The following NRXN3 variants were observed in gnomAD, a reference collection of about 807,000 sequenced individuals.
The protein encoded by NRXN3 is neurexin III.
Under a neutral mutation model 137.6 loss-of-function variants are expected in NRXN3, and 32 were observed. That is an observed-to-expected ratio of 0.23 (90% CI 0.18 to 0.31). The LOEUF (loss-of-function observed/expected upper bound fraction) is 0.31, where lower values mean the gene tolerates loss of function less well. NRXN3 is among the 10% of genes least tolerant of loss of function. The pLI is 1.00. For missense variants in NRXN3, 1,574 were observed against 2,062.5 expected (o/e 0.76, Z 4.59); for synonymous variants, 798 against 784.5 (o/e 1.02, Z -0.29).
rs1447906415 is a variant in NRXN3, at chr14:79,788,962, G to GAACTT, written c.4015-16147_4015-16143dup. On this transcript the variant is annotated intron_variant, in intron 19 of 20. Coordinates refer to ENST00000335750, the MANE Select transcript of NRXN3 (RefSeq NM_001330195.2). ...AGTATAAGCCAAAACATAAAGTTAT[G>GAACTT]AACTTAATACCCTTGTTCAGAGAAT... is the stretch of plus-strand genomic sequence containing the variant. 4.6e-5 allele frequency among the ~76,000 whole-genome samples: 7 copies of GAACTT among 152,098 alleles called. No individual in the cohort carries two copies. In the East Asian group the frequency reaches 9.7e-4, roughly 21 times the overall value.
chr14:79,708,795 C>T (rs2098791512), intron 19 of NRXN3, among the ~76,000 whole-genome samples: 1 of 152,078 alleles, frequency 6.6e-6, no homozygotes, highest in South Asian at 2.1e-4. Context: ...GTAAGGTTCT[C>T]CTTGATTTCC....
intron 4 of NRXN3, among the ~76,000 whole-genome samples, chr14:78,360,017 A>G (rs373754119): frequency 3.3e-4 from 50 of 152,256 alleles, no homozygotes; most frequent in African/African-American, 1.0e-3. Context: ...CTTCACCAAT[A>G]AAGTTTTAGG....
At chr14:79,759,013 A>G (rs752056912) in intron 19 of NRXN3, among the ~76,000 whole-genome samples, 6 of 152,222 alleles carry the variant, frequency 3.9e-5, no homozygotes, top group Non-Finnish European at 8.8e-5. Context: ...TTTCAGTATT[A>G]CAGAAATCAG....
chr14:78,276,586 C>A (rs1202223803), intron 2 of NRXN3, among the ~76,000 whole-genome samples: 1 of 152,220 alleles, frequency 6.6e-6, no homozygotes, highest in East Asian at 1.9e-4. Flanking sequence ...ATATCATTCT[C>A]ATTTTATAGC....
At chr14:79,615,985 GC>G (rs1227276582) in intron 16 of NRXN3, among the ~76,000 whole-genome samples, 5 of 152,234 alleles carry the variant, frequency 3.3e-5, no homozygotes, top group African/African-American at 1.2e-4. Flanking sequence ...AAGTAAGAGA[GC>G]AAGAATTCAT....
chr14:78,189,573 A>G (rs1464688861), intron 1 of NRXN3, among the ~76,000 whole-genome samples: 1 of 149,464 alleles, frequency 6.7e-6, no homozygotes, highest in Non-Finnish European at 1.5e-5. Context: ...TGTCCCGGCA[A>G]TTTTCCGGGC....
At chr14:79,544,679 A>G (rs1438918110) in intron 16 of NRXN3, among the ~76,000 whole-genome samples, 1 of 152,230 alleles carries the variant, frequency 6.6e-6, no homozygotes, top group Admixed American at 6.5e-5. Flanking sequence ...TGAAATCAAT[A>G]GTACTAAGGA....
rs58254245 is a variant in NRXN3, at chr14:79,593,630, C to CA, written c.3445-70126dup. On this transcript the variant is annotated intron_variant, in intron 16 of 20. Coordinates refer to ENST00000335750, the MANE Select transcript of NRXN3 (RefSeq NM_001330195.2). ...TGCACTACGGAGCGAGACTCCGTCT[C>CA]AAAAAAAAAAAAAAAAAAAAAATTA... Among the ~76,000 whole-genome samples the CA allele has an allele frequency of 6.5e-3, 485 of 74,146 alleles. 6 individuals are homozygous for CA. The highest frequency in any genetic ancestry group is 0.016 in the Middle Eastern group (2 of 128). 48.6% of individuals were successfully genotyped at this position (74,146 alleles called of 152,430 possible). A position where few individuals can be genotyped will look rare whatever the true frequency, so the allele number is the denominator to read the frequency against.
chr14:78,329,252 G>A (rs1321482730), intron 4 of NRXN3, among the ~76,000 whole-genome samples: 1 of 152,120 alleles, frequency 6.6e-6, no homozygotes, highest in African/African-American at 2.4e-5. Flanking sequence ...AATCCCACTT[G>A]CTGTTTCTAG....
intron 4 of NRXN3, among the ~76,000 whole-genome samples, chr14:78,639,542 G>A (rs2152562136): frequency 6.6e-6 from 1 of 152,300 alleles, no homozygotes; most frequent in South Asian, 2.1e-4. Context: ...TTGTTGTTGA[G>A]AATTTGGAAA....
chr14:78,464,430 AG>A (rs1269981722), intron 4 of NRXN3, among the ~76,000 whole-genome samples: 1 of 152,204 alleles, frequency 6.6e-6, no homozygotes. Flanking sequence ...GACTGAGAAA[AG>A]AAATAAAGAG....
intron 4 of NRXN3, among the ~76,000 whole-genome samples, chr14:78,567,584 G>T (rs964078297): frequency 1.3e-5 from 2 of 152,180 alleles, no homozygotes; most frequent in African/African-American, 4.8e-5. Flanking sequence ...CCCAGCCAGT[G>T]AGTGTCTCCT....
At chr14:78,879,220 A>G (rs935021050) in intron 10 of NRXN3, among the ~76,000 whole-genome samples, 12 of 152,216 alleles carry the variant, frequency 7.9e-5, no homozygotes, top group Non-Finnish European at 1.8e-4. Context: ...CTTTGGATAT[A>G]TACCCTGTAT....
chr14:79,011,474 T>C (rs1037251815), intron 15 of NRXN3, among the ~76,000 whole-genome samples: 38 of 150,764 alleles, frequency 2.5e-4, no homozygotes, highest in African/African-American at 9.0e-4. Context: ...AAGAGGACTA[T>C]GTCAGTTGAG....
At chr14:78,596,427 C>T (rs889455510) in intron 4 of NRXN3, among the ~76,000 whole-genome samples, 1 of 152,136 alleles carries the variant, frequency 6.6e-6, no homozygotes. Context: ...GCTGTGGCTT[C>T]CCCATCTGTA....
intron 6 of NRXN3, among the ~76,000 whole-genome samples, chr14:78,707,574 A>C (rs2098365578): frequency 6.6e-6 from 1 of 152,154 alleles, no homozygotes; most frequent in Non-Finnish European, 1.5e-5. Context: ...TTTTTCCCAT[A>C]GGTTATTGGG....
chr14:79,186,886 G>T (rs2063603543), intron 15 of NRXN3, among the ~76,000 whole-genome samples: 1 of 152,160 alleles, frequency 6.6e-6, no homozygotes, highest in Non-Finnish European at 1.5e-5. Context: ...TTTATATAGA[G>T]GCATTAATTC....
At chr14:79,003,919 T>C (rs921325889) in intron 15 of NRXN3, among the ~76,000 whole-genome samples, 6 of 152,156 alleles carry the variant, frequency 3.9e-5, no homozygotes, top group Non-Finnish European at 5.9e-5. Flanking sequence ...GCTGATAGTA[T>C]TGAAGGAAAT....
chr14:78,430,864 G>T (rs920084220), intron 4 of NRXN3, among the ~76,000 whole-genome samples: 1 of 152,080 alleles, frequency 6.6e-6, no homozygotes, highest in African/African-American at 2.4e-5. Context: ...TTGGGGAGTC[G>T]ATTTTATTTT....
Sources: gnomAD v4.1 joint callset for allele counts (sites outside exome capture counted in the v4.1 genomes callset) on GRCh38, gnomAD v4.1.1 for gene constraint, MANE v1.5 for transcripts, NCBI Gene and HGNC (gene_info 2026-07-23, HGNC 2026-07-21) for gene names.